The following RNF220 variants were observed in gnomAD, a reference collection of about 807,000 sequenced individuals.
The protein encoded by RNF220 is ring finger protein 220.
A neutral mutation model predicts 67.1 loss-of-function variants in RNF220; 7 were observed. The ratio of observed to expected loss-of-function variants is 0.10; its 90% CI spans 0.06 to 0.20. The LOEUF is 0.20. Ranked by LOEUF, RNF220 falls within the 10% of genes least tolerant of loss-of-function variation. The pLI, the probability that RNF220 is intolerant of heterozygous loss-of-function variation, is 1.00. For synonymous variants in RNF220, 270 were observed against 283.2 expected, an observed-to-expected ratio of 0.95 and a Z score of 0.47; for missense variants, 565 against 740.3, an observed-to-expected ratio of 0.76 and a Z score of 2.75.
In RNF220 at chr1:44,625,026, T is replaced by TGAGAGA. The variant is rs71665956; in HGVS notation, c.805-1244_805-1239dup. ...CTCAGGGCTTCTAACCTAGAGAGAA[T>TGAGAGA]GAGAGAGAGAGAGAGAGAGAGAGAG... On this transcript the variant is annotated intron_variant, in intron 4 of 14. Transcript: ENST00000361799. Among the ~76,000 whole-genome samples, 285 of 147,466 alleles carry TGAGAGA rather than the reference T, an allele frequency of 1.9e-3. 1 individual carries two copies. The highest frequency in any genetic ancestry group is 0.014 in the Middle Eastern group (4 of 290).
At chr1:44,432,324 G>A (rs780238340) in intron 2 of RNF220, among the ~76,000 whole-genome samples, 13 of 152,074 alleles carry the variant, frequency 8.5e-5, no homozygotes, top group Non-Finnish European at 1.5e-4. Flanking sequence ...AGGCTGGAGT[G>A]CAATGGCGCG....
At chr1:44,485,092 T>G (rs1656168847) in intron 2 of RNF220, among the ~76,000 whole-genome samples, 1 of 152,196 alleles carries the variant, frequency 6.6e-6, no homozygotes, top group Non-Finnish European at 1.5e-5. Context: ...GCTGAGATCG[T>G]GCCACTGCAC....
chr1:44,418,690 T>C (rs1338004485), intron 2 of RNF220, among the ~76,000 whole-genome samples: 1 of 151,896 alleles, frequency 6.6e-6, no homozygotes, highest in African/African-American at 2.4e-5. Context: ...AAAGTTGCTG[T>C]CCCTCCCCAC....
Position 44,544,239 on chromosome 1 carries a change from A to G in RNF220, c.626-69926A>G, listed in dbSNP as rs79933879. Among the ~76,000 whole-genome samples the G allele has an allele frequency of 1.9e-3, 293 of 152,340 alleles. 2 individuals carry two copies. Among genetic ancestry groups the G allele is most frequent in the African/African-American group, 6.7e-3 (279 of 41,578 alleles). On this transcript the variant is annotated intron_variant, in intron 2 of 14. Transcript: ENST00000361799. The stretch of plus-strand genomic sequence containing the variant: ...AATGCTTGATCTCTGCCGGGGCCCC[A>G]GAACCATCTGAGCCAAGGACTGCTC...
At position 44,621,949 on chromosome 1, in the gene RNF220, G is replaced by T. The variant is rs1258325791; in HGVS notation, c.759-793G>T. On this transcript the variant is annotated intron_variant, in intron 3 of 14. Coordinates refer to ENST00000361799, the MANE Select transcript of RNF220 (RefSeq NM_018150.4). The surrounding 1 kb of genome is among the most constrained non-coding windows in gnomAD (Gnocchi z 4.8). ...ATGTGCGAGCACAGATGTGGCAAGC[G>T]TAGTGGGGGCAGCAGGCAGGGAGGG... is the stretch of plus-strand genomic sequence containing the variant. 6.6e-6 allele frequency among the ~76,000 whole-genome samples: 1 copy of T among 152,218 alleles called. No homozygotes were observed. Among genetic ancestry groups the T allele is most frequent in the Non-Finnish European group, 1.5e-5 (1 of 68,034 alleles).
chr1:44,547,924 G>A (rs1662299255), intron 2 of RNF220, among the ~76,000 whole-genome samples: 1 of 152,062 alleles, frequency 6.6e-6, no homozygotes, highest in East Asian at 1.9e-4. Context: ...ACTGCATACT[G>A]AGTATCTCAA....
intron 2 of RNF220, among the ~76,000 whole-genome samples, chr1:44,569,924 G>A (rs1207728363): frequency 2.0e-5 from 3 of 152,170 alleles, no homozygotes; most frequent in Non-Finnish European, 2.9e-5. Flanking sequence ...ATGGTGTTTG[G>A]TATTACACTT....
chr1:44,476,006 AAAAG>A (rs767807304), intron 2 of RNF220, among the ~76,000 whole-genome samples: 13 of 152,110 alleles, frequency 8.5e-5, no homozygotes, highest in African/African-American at 1.9e-4. Flanking sequence ...CTCAAAAAAA[AAAAG>A]AAAGAAAAAG....
chr1:44,476,626 T>C lies in RNF220; in HGVS notation c.625+63904T>C, dbSNP rs543567261. Among the ~76,000 whole-genome samples the C allele has an allele frequency of 6.6e-5, 10 of 152,262 alleles. No individual in the cohort carries two copies. The South Asian group carries it at 2.1e-3, about 32-fold the overall frequency. On this transcript the variant is annotated intron_variant, in intron 2 of 14. Transcript: ENST00000361799. ...ATTGCAAAGACTGTTATTGAGACCTTGTAGTTGGGGCAGCAAATACTACAG... is the reference window on the plus strand; with the variant it reads ...ATTGCAAAGACTGTTATTGAGACCTCGTAGTTGGGGCAGCAAATACTACAG...
At chr1:44,475,049 G>A (rs1655172408) in intron 2 of RNF220, among the ~76,000 whole-genome samples, 1 of 151,824 alleles carries the variant, frequency 6.6e-6, no homozygotes, top group African/African-American at 2.4e-5. Flanking sequence ...AATAATTGCT[G>A]TTGAAAGATA....
chr1:44,408,035 C>G (rs1647564320), intron 1 of RNF220, among the ~76,000 whole-genome samples: 1 of 152,192 alleles, frequency 6.6e-6, no homozygotes, highest in Admixed American at 6.5e-5. Context: ...GTTGTTGGGA[C>G]CCAGAGTATT....
chr1:44,634,310 T>C (rs1644260456), intron 6 of RNF220, among the ~76,000 whole-genome samples: 1 of 152,228 alleles, frequency 6.6e-6, no homozygotes, highest in Admixed American at 6.5e-5. Flanking sequence ...CGTACCTTGA[T>C]CTCTCTAAGC....
At chr1:44,430,288 A>G (rs1650223586) in intron 2 of RNF220, among the ~76,000 whole-genome samples, 1 of 152,046 alleles carries the variant, frequency 6.6e-6, no homozygotes, top group Admixed American at 6.5e-5. Flanking sequence ...TAATTAAAAA[A>G]TTTAGTTTAT....
chr1:44,631,313 C>T (rs762282381), intron 5 of RNF220, among the ~76,000 whole-genome samples: 6 of 152,216 alleles, frequency 3.9e-5, no homozygotes, highest in Non-Finnish European at 8.8e-5. Flanking sequence ...AGAAAATTAG[C>T]GACCTTTCAA....
At chr1:44,520,128 T>TGTGTGTGTGTGAGAGAGAGA (rs796131470) in intron 2 of RNF220, among the ~76,000 whole-genome samples, 1 of 113,372 alleles carries the variant, frequency 8.8e-6, no homozygotes, top group African/African-American at 3.2e-5. Flanking sequence ...TGTGTGTGTG[T>TGTGTGTGTGTGAGAGAGAGA]GAGAGAGAGA....
At chr1:44,493,209 G>A (rs1054921256) in intron 2 of RNF220, among the ~76,000 whole-genome samples, 1 of 152,204 alleles carries the variant, frequency 6.6e-6, no homozygotes, top group Admixed American at 6.5e-5. Context: ...GGCTATGTGT[G>A]TAAGGTATAT....
chr1:44,561,852 G>A (rs1663599252), intron 2 of RNF220, among the ~76,000 whole-genome samples: 1 of 152,176 alleles, frequency 6.6e-6, no homozygotes, highest in African/African-American at 2.4e-5. Flanking sequence ...AGGAGGTTGA[G>A]GCTACTGTGA....
intron 5 of RNF220, among the ~76,000 whole-genome samples, chr1:44,630,072 C>G (rs1272209635): frequency 6.6e-6 from 1 of 152,142 alleles, no homozygotes; most frequent in Non-Finnish European, 1.5e-5. Flanking sequence ...TGAGCTAGGC[C>G]TTGAAACCAG....
intron 2 of RNF220, among the ~76,000 whole-genome samples, chr1:44,559,607 G>T (rs771588560): frequency 6.6e-6 from 1 of 152,216 alleles, no homozygotes; most frequent in Non-Finnish European, 1.5e-5. Context: ...GTCTAGCCCC[G>T]GGAGGAAGGG....
Sources: gnomAD v4.1 joint callset for allele counts (sites outside exome capture counted in the v4.1 genomes callset) on GRCh38, gnomAD v4.1.1 for gene constraint, Gnocchi (gnomAD v3.1) non-coding constraint, MANE v1.5 for transcripts, NCBI Gene and HGNC (gene_info 2026-07-23, HGNC 2026-07-21) for gene names.